The following DPCD variants were observed in gnomAD, a reference collection of about 807,000 sequenced individuals.
The protein encoded by DPCD is protein DPCD.
A neutral mutation model predicts 26.4 loss-of-function variants in DPCD; 20 were observed. The ratio of observed to expected loss-of-function variants is 0.76; its 90% CI spans 0.53 to 1.10. The LOEUF (loss-of-function observed/expected upper bound fraction) is 1.10. Among genes scored for constraint, DPCD ranks in the 50% least tolerant of loss-of-function variants. The pLI is 0.00. For synonymous variants in DPCD, 97 were observed against 94.2 expected (o/e 1.03, Z -0.17); for missense variants, 202 against 253.9 (o/e 0.80, Z 1.39).
intron 1 of DPCD, 104 bp downstream of exon 1, chr10:101,588,504 C>T (rs1473119448): frequency 2.0e-6 from 3 of 1,506,342 alleles, no homozygotes; most frequent in Non-Finnish European, 2.7e-6. Flanking sequence ...AGGGTCTCGG[C>T]GGTCAGCCGG....
At chr10:101,589,406 T>A (rs1351737571) in intron 1 of DPCD, among the ~76,000 whole-genome samples, 1 of 152,138 alleles carries the variant, frequency 6.6e-6, no homozygotes, top group Non-Finnish European at 1.5e-5. Flanking sequence ...TGACATCTCT[T>A]TGGAGGAAGA....
chr10:101,594,071 G>GT (rs776901330), intron 1 of DPCD, among the ~76,000 whole-genome samples: 86 of 152,148 alleles, frequency 5.7e-4, no homozygotes, highest in Non-Finnish European at 1.1e-3. Flanking sequence ...TTAACATTGT[G>GT]TTACTGTGTG....
rs2063710721 is a variant in DPCD at position 101,603,251 on chromosome 10, G to A, written c.404+1915G>A. Among the ~76,000 whole-genome samples, 1 of 152,158 alleles carries A rather than the reference G, an allele frequency of 6.6e-6. No individual in the cohort carries two copies. Among genetic ancestry groups the A allele is most frequent in the South Asian group, 2.1e-4 (1 of 4,836 alleles). On this transcript the variant is annotated intron_variant, in intron 4 of 5. Transcript: ENST00000370151. The surrounding 1 kb of genome is among the most constrained non-coding windows in gnomAD (Gnocchi z 4.6). The stretch of plus-strand genomic sequence containing the variant: ...TAACCTAGAGGCCGCTGAACCCTTA[G>A]CCAGATCGTTCCCGAACCTAGTGGC...
At chr10:101,599,676 G>A (rs1275585333) in intron 2 of DPCD, among the ~76,000 whole-genome samples, 1 of 152,196 alleles carries the variant, frequency 6.6e-6, no homozygotes, top group Non-Finnish European at 1.5e-5. Flanking sequence ...CTGAGAACCT[G>A]ACTGTAGCTC....
At position 101,602,925 on chromosome 10, in the gene DPCD, T is replaced by C. The variant is rs17114118; in HGVS notation, c.404+1589T>C. On this transcript the variant is annotated intron_variant, in intron 4 of 5. Coordinates refer to ENST00000370151, the MANE Select transcript of DPCD (RefSeq NM_015448.3). The stretch of plus-strand genomic sequence containing the variant: ...TCACCAAAAAATTCATCTGCCAGCA[T>C]ATCCTCTGGGTCCCATCTCCTGCGC... 1.1e-3 allele frequency among the ~76,000 whole-genome samples: 165 copies of C among 152,374 alleles called. 5 individuals are homozygous for C. In the East Asian group the frequency reaches 0.03, roughly 28 times the overall value.
At chr10:101,598,567 T>C (rs910289351) in intron 2 of DPCD, among the ~76,000 whole-genome samples, 5 of 148,790 alleles carry the variant, frequency 3.4e-5, no homozygotes, top group Non-Finnish European at 7.4e-5. Flanking sequence ...AGGGAAAAAA[T>C]GCTATTTCTC....
intron 2 of DPCD, 78 bp downstream of exon 2, chr10:101,594,816 G>C (rs1413969191): frequency 2.2e-6 from 3 of 1,383,630 alleles, no homozygotes; most frequent in Non-Finnish European, 3.1e-6. Flanking sequence ...CCTAGCCTTA[G>C]GCTTGAGGTA....
At chr10:101,590,173 C>T (rs1037773314) in intron 1 of DPCD, among the ~76,000 whole-genome samples, 31 of 151,478 alleles carry the variant, frequency 2.0e-4, no homozygotes, top group African/African-American at 7.0e-4. Context: ...TGTGAAGGTA[C>T]GTGCCTGATT....
At chr10:101,601,149 G>A in intron 3 of DPCD, 54 bp from the exon 4 acceptor site, 5 of 1,609,166 alleles carry the variant, frequency 3.1e-6, no homozygotes, top group Non-Finnish European at 4.2e-6. Flanking sequence ...TCTGATGAGG[G>A]TGGAGCCTTC....
intron 4 of DPCD, among the ~76,000 whole-genome samples, chr10:101,604,529 C>T (rs895736334): frequency 6.6e-6 from 1 of 152,124 alleles, no homozygotes; most frequent in African/African-American, 2.4e-5. Context: ...ATGTCCTTGG[C>T]CTCACATATT....
rs192375038 is a variant in DPCD, at chr10:101,593,282, C to T, written c.65-1376C>T. ...ATCCAAATGATTAAGGGTGGTATTACCTAGGGCTCTGCTAGAGGCCCTGCA... is the reference window on the plus strand; with the variant it reads ...ATCCAAATGATTAAGGGTGGTATTATCTAGGGCTCTGCTAGAGGCCCTGCA... On this transcript the variant is annotated intron_variant, in intron 1 of 5. Coordinates refer to ENST00000370151, the MANE Select transcript of DPCD (RefSeq NM_015448.3). Among the ~76,000 whole-genome samples the T allele has an allele frequency of 2.0e-3, 309 of 152,214 alleles. 3 individuals are homozygous for T. The highest frequency in any genetic ancestry group is 6.9e-3 in the African/African-American group (285 of 41,514).
rs1336667101 is a variant in DPCD at position 101,608,937 on chromosome 10, T to C, written c.507T>C (p.Ser169=). The C allele has an allele frequency of 6.2e-7, 1 of 1,610,762 alleles. No individual in the cohort carries two copies. Among genetic ancestry groups the C allele is most frequent in the African/African-American group, 1.3e-5 (1 of 74,860 alleles). The part of the protein sequence containing the change: ...FAHANCTLII[S]YQKPKEVVVA... ...ACGCCAACTGCACCCTGATCATCTC[T>C]GTAAGATTCACCCAGACTTCTTGGA... is the stretch of plus-strand genomic sequence containing the variant. Residue 169 remains serine, a splice_region_variant and synonymous_variant, in exon 5 of 6, where the codon TCT becomes TCC. Transcript: ENST00000370151.
At chr10:101,598,337 AAATT>A (rs2063668305) in intron 2 of DPCD, among the ~76,000 whole-genome samples, 1 of 152,166 alleles carries the variant, frequency 6.6e-6, no homozygotes, top group Non-Finnish European at 1.5e-5. Context: ...TATAAAAAAT[AAATT>A]GAGCTACTTA....
At chr10:101,605,446 C>G (rs897745017) in intron 4 of DPCD, among the ~76,000 whole-genome samples, 60 of 152,280 alleles carry the variant, frequency 3.9e-4, no homozygotes, top group African/African-American at 1.4e-3. Flanking sequence ...TTGGCCTGTT[C>G]TGGGCCCTTT....
chr10:101,595,396 G>T (rs2063643544), intron 2 of DPCD, among the ~76,000 whole-genome samples: 1 of 152,172 alleles, frequency 6.6e-6, no homozygotes, highest in Non-Finnish European at 1.5e-5. Flanking sequence ...GCTTCCCAGA[G>T]CTAGGTGGCT....
chr10:101,594,812 C>CCTG, intron 2 of DPCD, 74 bp downstream of exon 2: 2 of 1,424,302 alleles, frequency 1.4e-6, no homozygotes, highest in Non-Finnish European at 9.9e-7. Context: ...CACTCCTAGC[C>CCTG]TTAGGCTTGA....
At position 101,603,381 on chromosome 10, in the gene DPCD, G is replaced by T. The variant is rs1369367278; in HGVS notation, c.404+2045G>T. Among the ~76,000 whole-genome samples the T allele has an allele frequency of 6.6e-6, 1 of 152,118 alleles. No homozygotes were observed. Among genetic ancestry groups the T allele is most frequent in the Non-Finnish European group, 1.5e-5 (1 of 68,008 alleles). On this transcript the variant is annotated intron_variant, in intron 4 of 5. Transcript: ENST00000370151. The surrounding 1 kb of genome is among the most constrained non-coding windows in gnomAD (Gnocchi z 4.6). ...ATTATTATTATTAATTTGGAAGGGA[G>T]AGATTTATTTCTCATCAGGGGTTAC...
intron 4 of DPCD, among the ~76,000 whole-genome samples, chr10:101,605,959 GT>G (rs1241859935): frequency 6.6e-6 from 1 of 152,212 alleles, no homozygotes; most frequent in Non-Finnish European, 1.5e-5. Flanking sequence ...ACCTGAGAGA[GT>G]TGTTTTGACA....
At chr10:101,591,674 G>T (rs1176831274) in intron 1 of DPCD, among the ~76,000 whole-genome samples, 2 of 151,966 alleles carry the variant, frequency 1.3e-5, no homozygotes, top group African/African-American at 4.8e-5. Context: ...TTACCACCCA[G>T]ATAATCATAA....
Sources: allele counts gnomAD v4.1 joint callset (sites outside exome capture counted in the v4.1 genomes callset), GRCh38; gene constraint gnomAD v4.1.1; non-coding constraint Gnocchi (gnomAD v3.1); transcripts MANE v1.5; gene names NCBI Gene and HGNC (gene_info 2026-07-23, HGNC 2026-07-21).